Variants in TOP1MT observed in about 807,000 individuals in gnomAD.
TOP1MT encodes DNA topoisomerase I, mitochondrial.
TOP1MT carries 80 observed loss-of-function variants against 73.9 expected under a neutral mutation model. The ratio of observed to expected loss-of-function variants is 1.08; its 90% CI spans 0.90 to 1.30. The LOEUF (loss-of-function observed/expected upper bound fraction) is 1.30, where lower values mean the gene tolerates loss of function less well. Among genes scored for constraint, TOP1MT ranks in the 50% most tolerant of loss-of-function variants. The pLI is 0.00. For synonymous variants in TOP1MT, 338 were observed against 326.4 expected (o/e 1.04, Z -0.38); for missense variants, 815 against 808.0 (o/e 1.01, Z -0.10).
At chr8:143,317,867 G>C (rs887166368) in intron 9 of TOP1MT, 30 bp from the exon 10 acceptor site, 1 of 1,610,368 alleles carries the variant, frequency 6.2e-7, no homozygotes. Context: ...CTATAATTAC[G>C]TGGTTTTGCG....
chr8:143,322,201 AC>A (rs1232597137), intron 7 of TOP1MT, among the ~76,000 whole-genome samples: 1 of 77,256 alleles, frequency 1.3e-5, no homozygotes. Flanking sequence ...CACGCCACAC[AC>A]ACAGGCACGC....
chr8:143,321,797 CACACACGCACGCT>C lies in TOP1MT; in HGVS notation c.961-424_961-412del, dbSNP rs1210999372. ...ACACACGCACGCCACACACGCACGC[CACACACGCACGCT>C]ACACACACACGCACGCTACACACAC... On this transcript the variant is annotated intron_variant, in intron 7 of 13. Coordinates refer to ENST00000329245, the MANE Select transcript of TOP1MT (RefSeq NM_052963.3). Among the ~76,000 whole-genome samples, 188 of 33,534 alleles carry C rather than the reference CACACACGCACGCT, an allele frequency of 5.6e-3. 1 individual carries two copies. The highest frequency in any genetic ancestry group is 0.01 in the South Asian group (4 of 390). The allele number at this position is 33,534 out of a possible 152,430, so 22.0% of individuals were successfully genotyped here. A position where few individuals can be genotyped will look rare whatever the true frequency, so the allele number is the denominator to read the frequency against.
intron 1 of TOP1MT, among the ~76,000 whole-genome samples, chr8:143,352,403 T>C (rs1227354017): frequency 2.6e-5 from 4 of 152,128 alleles, no homozygotes; most frequent in African/African-American, 9.7e-5. Context: ...GGGCAACTGA[T>C]TTCAACAAGG....
chr8:143,350,637 T>C (rs1339196744), intron 1 of TOP1MT, among the ~76,000 whole-genome samples: 5 of 152,186 alleles, frequency 3.3e-5, no homozygotes, highest in Admixed American at 6.5e-5. Flanking sequence ...CAGCCCACTA[T>C]CACACTTCAA....
In TOP1MT at chr8:143,309,648, C is replaced by T. The variant is rs1019096675; in HGVS notation, c.1704-105G>A. Reference sequence around the variant, plus strand: ...AGCGTCCTCCATGCAGCAGAGACACCAGAGCCGCCTGGTGTAGCTGGGACC... The same window carrying T: ...AGCGTCCTCCATGCAGCAGAGACACTAGAGCCGCCTGGTGTAGCTGGGACC... On this transcript the variant is annotated intron_variant, in intron 13 of 13. Coordinates refer to ENST00000329245, the MANE Select transcript of TOP1MT (RefSeq NM_052963.3). 3.9e-6 allele frequency: 6 copies of T among 1,556,154 alleles called. No individual in the cohort carries two copies. In the African/African-American group the frequency reaches 8.1e-5, roughly 21 times the overall value.
chr8:143,325,065 G>A (rs1348205267), intron 5 of TOP1MT, among the ~76,000 whole-genome samples: 1 of 152,218 alleles, frequency 6.6e-6, no homozygotes, highest in African/African-American at 2.4e-5. Context: ...AATGCTACTG[G>A]GCCATCCAGA....
upstream of TOP1MT, among the ~76,000 whole-genome samples, chr8:143,358,067 A>T (rs1817441507): frequency 6.6e-6 from 1 of 152,196 alleles, no homozygotes; most frequent in Non-Finnish European, 1.5e-5. Context: ...CCTGGGTGAC[A>T]CAGCAAGACT....
In TOP1MT at chr8:143,329,448, C is replaced by T; in HGVS notation, c.262G>A (p.Ala88Thr). 6.2e-7 allele frequency: 1 copy of T among 1,610,770 alleles called. No homozygotes were observed. The highest frequency in any genetic ancestry group is 8.5e-7 in the Non-Finnish European group (1 of 1,179,112). Residue 88 changes from alanine to threonine, a missense_variant, in exon 3 of 14, where the codon GCA becomes ACA. By Grantham distance (58) the Ala-to-Thr change is moderately conservative. Transcript: ENST00000329245. ...TAAAAAGTGGCGACCTCCTCCGCTGCCACGCTCAATCTCACAGGCCTTCCT... is the reference window on the plus strand; with the variant it reads ...TAAAAAGTGGCGACCTCCTCCGCTGTCACGCTCAATCTCACAGGCCTTCCT... ...YEGRPVRLSV[A>T]AEEVATFYGR...
rs1049020011 is a variant in TOP1MT, at chr8:143,324,705, T to C, written c.672-76A>G. The C allele has an allele frequency of 7.1e-6, 11 of 1,547,726 alleles. No individual in the cohort carries two copies. In the African/African-American group the frequency reaches 1.5e-4, roughly 21 times the overall value. ...ATGCAAGCAAAAGGAGCTGCTCTGGTCAACCGTCCCACGTGGTGGCTATGG... is the reference window on the plus strand; with the variant it reads ...ATGCAAGCAAAAGGAGCTGCTCTGGCCAACCGTCCCACGTGGTGGCTATGG... On this transcript the variant is annotated intron_variant, in intron 5 of 13. Coordinates refer to ENST00000329245, the MANE Select transcript of TOP1MT (RefSeq NM_052963.3).
At chr8:143,309,660 G>T (rs542820113) in intron 13 of TOP1MT, 117 bp from the exon 14 acceptor site, 21 of 1,537,874 alleles carry the variant, frequency 1.4e-5, no homozygotes, top group Middle Eastern at 4.1e-4. Flanking sequence ...GAGCCGCCTG[G>T]TGTAGCTGGG....
upstream of TOP1MT, among the ~76,000 whole-genome samples, chr8:143,356,428 T>C (rs920274659): frequency 6.6e-6 from 1 of 152,270 alleles, no homozygotes; most frequent in African/African-American, 2.4e-5. Context: ...GAACACAAAG[T>C]ACATATTTTT....
In TOP1MT at chr8:143,341,027, T is replaced by C. The variant is rs1378132082; in HGVS notation, c.29+2193A>G. On this transcript the variant is annotated intron_variant, in intron 2 of 5. Transcript: ENST00000518007. This position sits in a 1 kb window ranked among gnomAD's most constrained non-coding sequence, Gnocchi z 4.1. ...CGCACCTCTTCTGTGGGAACTGCTC[T>C]GTCTATCCCACTGCCCAGAGCGCGC... is the stretch of plus-strand genomic sequence containing the variant. Among the ~76,000 whole-genome samples, 1 of 152,132 alleles carries C rather than the reference T, an allele frequency of 6.6e-6. No homozygotes were observed. The highest frequency in any genetic ancestry group is 1.9e-4 in the East Asian group (1 of 5,170).
intron 5 of TOP1MT, among the ~76,000 whole-genome samples, 161 bp from the exon 6 acceptor site, chr8:143,324,790 A>G (rs565929596): frequency 6.6e-6 from 1 of 152,318 alleles, no homozygotes; most frequent in East Asian, 1.9e-4. Context: ...CAGCTCAGAC[A>G]AAAGCAGCCA....
intron 12 of TOP1MT, among the ~76,000 whole-genome samples, chr8:143,314,588 C>CA (rs57418152): frequency 0.43 from 43,125 of 99,376 alleles, 9,857 homozygotes; most frequent in South Asian, 0.67. Flanking sequence ...GACTCCATCT[C>CA]AAAAAAAAAA....
upstream of TOP1MT, among the ~76,000 whole-genome samples, chr8:143,336,990 A>C (rs1816992600): frequency 6.6e-6 from 1 of 152,252 alleles, no homozygotes; most frequent in Non-Finnish European, 1.5e-5. Flanking sequence ...GCATGAAAAA[A>C]TAAAATACTG....
At chr8:143,320,274 G>A (rs187410990) in intron 8 of TOP1MT, among the ~76,000 whole-genome samples, 9 of 152,014 alleles carry the variant, frequency 5.9e-5, no homozygotes, top group Admixed American at 3.9e-4. Flanking sequence ...GACTATAGGC[G>A]CTCGCCACGA....
At chr8:143,355,338 G>A (rs963487798) in intron 1 of TOP1MT, 4 of 152,164 alleles carry the variant, frequency 2.6e-5, no homozygotes, top group African/African-American at 7.2e-5. Context: ...TCTACTCGCC[G>A]CGAATGGATG....
upstream of TOP1MT, among the ~76,000 whole-genome samples, chr8:143,347,134 G>A (rs1188834983): frequency 3.3e-5 from 5 of 151,738 alleles, no homozygotes; most frequent in Admixed American, 2.6e-4. Flanking sequence ...ACAGGCATAC[G>A]CCACCACACC....
In TOP1MT at chr8:143,318,013, C is replaced by T. The variant is rs200859895; in HGVS notation, c.1215+5G>A. On this transcript the variant is annotated splice_donor_5th_base_variant and intron_variant, in intron 9 of 13. Transcript: ENST00000329245. ...CCACTGCTGAGGAAACACGAGCCGG[C>T]TTACGGTCAGCCTGTCGAAGAGGTC... 265 of 1,614,202 alleles carry T rather than the reference C, an allele frequency of 1.6e-4. No homozygotes were observed. In the East Asian group the frequency reaches 5.8e-3, roughly 35 times the overall value.
Sources: gnomAD v4.1 joint callset for allele counts (sites outside exome capture counted in the v4.1 genomes callset) on GRCh38, gnomAD v4.1.1 for gene constraint, Gnocchi (gnomAD v3.1) non-coding constraint, MANE v1.5 for transcripts, NCBI Gene and HGNC (gene_info 2026-07-23, HGNC 2026-07-21) for gene names.